HLA-G: variants seen among roughly 807,000 people sequenced by gnomAD.
The protein encoded by HLA-G is HLA class I histocompatibility antigen, alpha chain G.
A neutral mutation model predicts 39.3 loss-of-function variants in HLA-G; 34 were observed. The ratio of observed to expected loss-of-function variants is 0.86; its 90% CI spans 0.66 to 1.15. The LOEUF (loss-of-function observed/expected upper bound fraction) is 1.15, where lower values mean the gene tolerates loss of function less well. Among genes scored for constraint, HLA-G ranks in the 50% most tolerant of loss-of-function variants. HLA-G has a pLI of 0.00. For missense variants in HLA-G, 419 were observed against 456.4 expected (o/e 0.92, Z 0.75); for synonymous variants, 183 against 185.8 (o/e 0.99, Z 0.12).
chr6:29,829,937 G>A lies in HLA-G; in HGVS notation c.1012+5G>A, dbSNP rs752741808. On this transcript the variant is annotated splice_donor_5th_base_variant and intron_variant, in intron 5 of 6. Transcript: ENST00000360323. ...TGTGGAGAAAGAAGAGCTCAGGTAA[G>A]GAAGGGGTGACAAGTGGGGTCTGAG... 6.3e-6 allele frequency: 10 copies of A among 1,597,698 alleles called. No individual in the cohort carries two copies. Among genetic ancestry groups the A allele is most frequent in the Non-Finnish European group, 8.6e-6 (10 of 1,166,934 alleles).
At position 29,829,948 on chromosome 6, in the gene HLA-G, C is replaced by T; in HGVS notation, c.1012+16C>T. ...AAGAGCTCAGGTAAGGAAGGGGTGA[C>T]AAGTGGGGTCTGAGTTTTCTTGTCC... On this transcript the variant is annotated intron_variant, in intron 5 of 6. Transcript: ENST00000360323. 2.6e-6 allele frequency: 4 copies of T among 1,558,054 alleles called. No homozygotes were observed. Among genetic ancestry groups the T allele is most frequent in the Non-Finnish European group, 3.5e-6 (4 of 1,133,758 alleles).
At chr6:29,830,233 C>T in intron 5 of HLA-G, 145 bp from the exon 6 acceptor site, 2 of 955,400 alleles carry the variant, frequency 2.1e-6, no homozygotes, top group Non-Finnish European at 3.4e-6. Context: ...CCCACATCTG[C>T]TTTCCTTGTT....
Position 29,828,325 on chromosome 6 carries a change from CT to C in HLA-G, c.343+10del. ...CAACCAGAGCGAGGCCAGTGAGTAA[CT>C]CCGGCCCAGGGAGCAGATCACGACC... On this transcript the variant is annotated intron_variant, in intron 2 of 6. Transcript: ENST00000360323. 1.2e-6 allele frequency: 2 copies of C among 1,604,876 alleles called. No homozygotes were observed. The highest frequency in any genetic ancestry group is 1.7e-6 in the Non-Finnish European group (2 of 1,176,356).
chr6:29,827,090 G>C (rs115528044), upstream of HLA-G: 1 of 496,626 alleles, frequency 2.0e-6, no homozygotes, highest in Admixed American at 2.2e-5. Flanking sequence ...ACACTGTCTG[G>C]GAAAGTGAAA....
chr6:29,828,653 G>A lies in HLA-G; in HGVS notation c.454G>A (p.Glu152Lys). 6.2e-7 allele frequency: 1 copy of A among 1,613,140 alleles called. No individual in the cohort carries two copies. Residue 152 changes from glutamate (E) to lysine (K), a missense_variant, in exon 3 of 7, where the codon GAG becomes AAG. Coordinates refer to ENST00000360323, the MANE Select transcript of HLA-G (RefSeq NM_001384290.1). ...TGGCAAGGATTACCTCGCCCTGAAC[G>A]AGGACCTGCGCTCCTGGACCGCAGC... is the stretch of plus-strand genomic sequence containing the variant. ...YDGKDYLALN[E>K]DLRSWTAADT... is the part of the protein sequence containing the mutation.
At chr6:29,830,630 G>T in intron 6 of HLA-G, 138 bp from the exon 7 acceptor site, 2 of 716,830 alleles carry the variant, frequency 2.8e-6, no homozygotes, top group South Asian at 1.5e-5. Context: ...GATGTGTGTG[G>T]GTTGTTGAGG....
chr6:29,828,365 C>T, intron 2 of HLA-G, 49 bp downstream of exon 2: 1 of 1,576,140 alleles, frequency 6.3e-7, no homozygotes, highest in Non-Finnish European at 8.6e-7. Flanking sequence ...ACCTCCATGC[C>T]CCACGGACGG....
intron 3 of HLA-G, among the ~76,000 whole-genome samples, chr6:29,829,151 G>A (rs1455069811): frequency 2.7e-5 from 4 of 150,666 alleles, no homozygotes; most frequent in African/African-American, 9.9e-5. Context: ...CACTCAATGT[G>A]TGTGGGGGTC....
chr6:29,828,177 G>A lies in HLA-G; in HGVS notation c.204G>A (p.Arg68=). The A allele has an allele frequency of 6.2e-7, 1 of 1,613,372 alleles. No individual in the cohort carries two copies. Among genetic ancestry groups the A allele is most frequent in the Non-Finnish European group, 8.5e-7 (1 of 1,179,832 alleles). ...TCGACAGCGACTCGGCGTGTCCGAG[G>A]ATGGAGCCGCGGGCGCCGTGGGTGG... ...VRFDSDSACP[R]MEPRAPWVEQ... The change falls in exon 2 of 7, where the codon AGG becomes AGA. Residue 68 remains arginine, a synonymous_variant. Transcript: ENST00000360323.
At chr6:29,828,457 CA>C (rs9278333) in intron 2 of HLA-G, 85 bp from the exon 3 acceptor site, 749,263 of 1,560,990 alleles carry the variant, frequency 0.48, 184,076 homozygotes, top group South Asian at 0.67. Context: ...GGGAGAACCC[CA>C]AGGCGCCTTT....
chr6:29,830,701 T>C (rs781439315), intron 6 of HLA-G, 67 bp from the exon 7 acceptor site: 72 of 591,364 alleles, frequency 1.2e-4, no homozygotes, highest in Middle Eastern at 5.7e-4. Context: ...GAGCATGTGA[T>C]GGGCTGTTTA....
upstream of HLA-G, chr6:29,827,792 G>A: frequency 6.4e-7 from 1 of 1,559,156 alleles, no homozygotes. Flanking sequence ...CCGCGGTCCT[G>A]GTTCTAAAGT....
chr6:29,828,482 C>A (rs1357196274), intron 2 of HLA-G, 61 bp from the exon 3 acceptor site: 1 of 1,578,100 alleles, frequency 6.3e-7, no homozygotes, highest in Admixed American at 1.8e-5. Context: ...AAAATCCCCG[C>A]GGGTGGGTCC....
At chr6:29,827,820 G>T (rs369096170), upstream of HLA-G, 38 of 1,607,426 alleles carry the variant, frequency 2.4e-5, no homozygotes, top group African/African-American at 4.8e-4. Flanking sequence ...CACCCACCCG[G>T]ACTCATTCTC....
chr6:29,828,690 C>G lies in HLA-G; in HGVS notation c.491C>G (p.Ala164Gly). 2 of 1,613,640 alleles carry G rather than the reference C, an allele frequency of 1.2e-6. No homozygotes were observed. Among genetic ancestry groups the G allele is most frequent in the Non-Finnish European group, 1.7e-6 (2 of 1,180,020 alleles). ...LRSWTAADTA[A>G]QISKRKCEAA... ...TCCTGGACCGCAGCGGACACTGCGG[C>G]TCAGATCTCCAAGCGCAAGTGTGAG... The change falls in exon 3 of 7, where the codon GCT (alanine) becomes GGT (glycine). Residue 164 changes from alanine (A) to glycine (G), a missense_variant. By Grantham distance (60) the Ala-to-Gly change is moderately conservative (BLOSUM62 0). Transcript: ENST00000360323.
chr6:29,827,983 C>T (rs1760824994), intron 1 of HLA-G, 64 bp from the exon 2 acceptor site: 4 of 1,590,036 alleles, frequency 2.5e-6, no homozygotes, highest in Middle Eastern at 2.0e-4. Context: ...CCGGCGGGGG[C>T]GCAGGACTCG....
At chr6:29,827,129 T>G (rs2249863), upstream of HLA-G, 235,819 of 473,724 alleles carry the variant, frequency 0.5, 60,840 homozygotes, top group South Asian at 0.67. Flanking sequence ...CGTGTTGTAA[T>G]GCTTTTAGAT....
rs752196294 is a variant in HLA-G at position 29,828,248 on chromosome 6, A to T, written c.275A>T (p.Lys92Met). ...EYWEEETRNT[K>M]AHAQTDRMNL... Reference sequence around the variant, plus strand: ...TGGGAAGAGGAGACACGGAACACCAAGGCCCACGCACAGACTGACAGAATG... The same window carrying T: ...TGGGAAGAGGAGACACGGAACACCATGGCCCACGCACAGACTGACAGAATG... The change falls in exon 2 of 7, where the codon AAG becomes ATG. Residue 92 changes from lysine (K) to methionine (M), a missense_variant. Lys to Met is a moderately conservative substitution (Grantham distance 95, BLOSUM62 -1). This residue lies in a region of HLA-G where 328 missense variants were observed against 323.0 expected (regional missense o/e 1.02). Coordinates refer to ENST00000360323, the MANE Select transcript of HLA-G (RefSeq NM_001384290.1). The T allele has an allele frequency of 1.2e-6, 2 of 1,613,610 alleles. No homozygotes were observed. The highest frequency in any genetic ancestry group is 1.7e-6 in the Non-Finnish European group (2 of 1,179,834).
chr6:29,829,681 A>G lies in HLA-G; in HGVS notation c.883A>G (p.Met295Val), dbSNP rs1212068397. 2 of 1,612,776 alleles carry G rather than the reference A, an allele frequency of 1.2e-6. No individual in the cohort carries two copies. The highest frequency in any genetic ancestry group is 2.7e-5 in the African/African-American group (2 of 74,712). Residue 295 changes from methionine (M) to valine (V), a missense_variant, in exon 4 of 7, where the codon ATG becomes GTG. Transcript: ENST00000360323. Reference sequence around the variant, plus strand: ...GCATGAGGGGCTGCCGGAGCCCCTCATGCTGAGATGGAGTAAGGAGGGAGA... The same window carrying G: ...GCATGAGGGGCTGCCGGAGCCCCTCGTGCTGAGATGGAGTAAGGAGGGAGA... ...VQHEGLPEPL[M>V]LRWKQSSLPT...
Sources: allele counts gnomAD v4.1 joint callset (sites outside exome capture counted in the v4.1 genomes callset), GRCh38; gene constraint gnomAD v4.1.1; regional missense constraint gnomAD v4.1.1; transcripts MANE v1.5; gene names NCBI Gene and HGNC (gene_info 2026-07-23, HGNC 2026-07-21).